TTC7A: variants seen among roughly 807,000 people sequenced by gnomAD.
The protein encoded by TTC7A is tetratricopeptide repeat protein 7A.
In TTC7A, 110 loss-of-function variants were observed where a neutral mutation model predicts 103.7. That is an observed-to-expected ratio of 1.06 (90% CI 0.91 to 1.24). The LOEUF is 1.24. Ranked by LOEUF, TTC7A falls within the 50% of genes most tolerant of loss-of-function variation. The pLI is 0.00. For synonymous variants in TTC7A, 521 were observed against 467.9 expected (o/e 1.11, Z -1.47); for missense variants, 1,340 against 1,116.3 (o/e 1.20, Z -2.86).
In TTC7A at chr2:47,074,700, A is replaced by C. The variant is rs1323260598; in HGVS notation, c.*777A>C. Reference sequence around the variant, plus strand: ...CCTTGAGGGCCACCAACATGGAGGTAGGCAGTTTCTAGGACTGTCCCCAGT... The same window carrying C: ...CCTTGAGGGCCACCAACATGGAGGTCGGCAGTTTCTAGGACTGTCCCCAGT... On this transcript the variant is annotated 3_prime_UTR_variant, in exon 20 of 20. Coordinates refer to ENST00000319190, the MANE Select transcript of TTC7A (RefSeq NM_020458.4). 1.3e-5 allele frequency: 2 copies of C among 152,464 alleles called. No homozygotes were observed. Among genetic ancestry groups the C allele is most frequent in the East Asian group, 3.9e-4 (2 of 5,178 alleles). The allele number at this position is 152,464 out of a possible 1,614,324, so 9.4% of individuals were successfully genotyped here. A position where few individuals can be genotyped will look rare whatever the true frequency, so the allele number is the denominator to read the frequency against.
At chr2:47,060,597 G>A (rs1004540984) in intron 18 of TTC7A, among the ~76,000 whole-genome samples, 172 bp from the exon 19 acceptor site, 2 of 152,158 alleles carry the variant, frequency 1.3e-5, no homozygotes, top group South Asian at 2.1e-4. Context: ...CTCAGAAACC[G>A]TTACCTAGTG....
intron 3 of TTC7A, among the ~76,000 whole-genome samples, chr2:46,972,598 T>C (rs1312235034): frequency 6.6e-6 from 1 of 152,190 alleles, no homozygotes; most frequent in Non-Finnish European, 1.5e-5. Context: ...ACTTAGCTGA[T>C]TGCCATGGCT....
In TTC7A at chr2:47,046,319, A is replaced by T; in HGVS notation, c.1807A>T (p.Met603Leu). 1.2e-6 allele frequency: 2 copies of T among 1,613,772 alleles called. No homozygotes were observed. The highest frequency in any genetic ancestry group is 1.7e-5 in the Admixed American group (1 of 60,018). Residue 603 changes from methionine to leucine, a missense_variant, in exon 16 of 20, where the codon ATG (methionine) becomes TTG (leucine). Transcript: ENST00000319190. ...ITEHPENFNL[M>L]FTKVKLEQVL... is the part of the protein sequence containing the mutation. ...GGCCACTCTCCGTCCCCACAGCCTG[A>T]TGTTCACCAAGGTGAAGCTGGAGCA... is the stretch of plus-strand genomic sequence containing the variant.
intron 8 of TTC7A, among the ~76,000 whole-genome samples, chr2:46,998,789 G>A (rs965102566): frequency 1.3e-5 from 2 of 152,210 alleles, no homozygotes. Flanking sequence ...GAGTGGCTGT[G>A]TGGTGTGGGG....
chr2:47,021,816 G>A, intron 11 of TTC7A, 46 bp from the exon 12 acceptor site: 2 of 1,523,508 alleles, frequency 1.3e-6, no homozygotes, highest in South Asian at 2.2e-5. Context: ...ACTGGTAGAG[G>A]AAACTCCAAC....
intron 2 of TTC7A, among the ~76,000 whole-genome samples, chr2:46,923,847 C>T (rs1222660651): frequency 3.9e-5 from 6 of 152,114 alleles, no homozygotes; most frequent in African/African-American, 1.4e-4. Context: ...AATCTCTTGC[C>T]TCAGCCTCCA....
At chr2:47,042,894 G>A (rs1388514748) in intron 15 of TTC7A, among the ~76,000 whole-genome samples, 1 of 152,174 alleles carries the variant, frequency 6.6e-6, no homozygotes, top group Non-Finnish European at 1.5e-5. Context: ...GGTAAGCAAG[G>A]GGAAGGGGAG....
intron 15 of TTC7A, among the ~76,000 whole-genome samples, chr2:47,044,383 T>G (rs190927937): frequency 1.3e-5 from 2 of 152,204 alleles, no homozygotes; most frequent in African/African-American, 2.4e-5. Flanking sequence ...CTGATACTTA[T>G]GGAGTGTTGG....
At chr2:46,931,284 C>G (rs1435951882) in intron 2 of TTC7A, among the ~76,000 whole-genome samples, 1 of 152,230 alleles carries the variant, frequency 6.6e-6, no homozygotes, top group Non-Finnish European at 1.5e-5. Context: ...CAGGGTCTGG[C>G]TCTATTGCCC....
chr2:46,948,348 G>A (rs952375289), intron 1 of TTC7A, among the ~76,000 whole-genome samples: 2 of 152,206 alleles, frequency 1.3e-5, no homozygotes, highest in South Asian at 4.1e-4. Flanking sequence ...CTATGGGGAT[G>A]TTCAAAAATA....
rs1195420697 is a variant in TTC7A, at chr2:47,056,002, T to G, written c.2152+4122T>G. Among the ~76,000 whole-genome samples the G allele has an allele frequency of 4.0e-5, 6 of 151,856 alleles. No homozygotes were observed. In the East Asian group the frequency reaches 1.2e-3, roughly 29 times the overall value. On this transcript the variant is annotated intron_variant, in intron 18 of 19. Transcript: ENST00000319190. ...GTCCTCCTCTTCCCTGGCTCCAGCT[T>G]TTTCTTCCCTCCTCCCAGCTTCCCG...
intron 15 of TTC7A, among the ~76,000 whole-genome samples, chr2:47,036,868 C>T (rs1211979053): frequency 6.6e-6 from 1 of 152,206 alleles, no homozygotes; most frequent in East Asian, 1.9e-4. Flanking sequence ...AAGTCCTGAG[C>T]ATGTGTTGGA....
intron 11 of TTC7A, among the ~76,000 whole-genome samples, chr2:47,014,711 C>A (rs1210421850): frequency 6.6e-6 from 1 of 152,238 alleles, no homozygotes; most frequent in Non-Finnish European, 1.5e-5. Flanking sequence ...TCACGTCAGC[C>A]CCCAGCAGGC....
intron 6 of TTC7A, 143 bp from the exon 7 acceptor site, chr2:46,994,214 G>A (rs1302640824): frequency 2.1e-6 from 2 of 948,258 alleles, no homozygotes; most frequent in Non-Finnish European, 3.1e-6. Context: ...GGGGCTCCTT[G>A]GGAGTGGGGT....
At chr2:47,050,170 T>C (rs1573031096) in intron 17 of TTC7A, 124 bp downstream of exon 17, 1 of 811,964 alleles carries the variant, frequency 1.2e-6, no homozygotes, top group Admixed American at 2.1e-5. Context: ...CACTGGCTCC[T>C]TGCCAGCTCG....
At chr2:47,054,909 C>T (rs554258724) in intron 18 of TTC7A, among the ~76,000 whole-genome samples, 5 of 151,910 alleles carry the variant, frequency 3.3e-5, no homozygotes, top group East Asian at 3.9e-4. Flanking sequence ...GGTGCACAAC[C>T]GCCACGGCCA....
chr2:47,032,586 C>T (rs879811695), intron 15 of TTC7A, among the ~76,000 whole-genome samples: 1 of 151,990 alleles, frequency 6.6e-6, no homozygotes, highest in Admixed American at 6.5e-5. Context: ...TGTCACTCAC[C>T]GTAGAGTGTG....
chr2:47,018,725 AT>A (rs561518727), intron 11 of TTC7A, among the ~76,000 whole-genome samples: 5 of 151,294 alleles, frequency 3.3e-5, no homozygotes, highest in Non-Finnish European at 7.4e-5. Context: ...AATAATAGTT[AT>A]TTTTTTTTAA....
chr2:46,951,271 T>G (rs546297781), intron 2 of TTC7A, among the ~76,000 whole-genome samples: 1 of 151,670 alleles, frequency 6.6e-6, no homozygotes, highest in African/African-American at 2.4e-5. Context: ...CCACCAGCAG[T>G]GTAGGCATCA....
Sources: gnomAD v4.1 joint callset for allele counts (sites outside exome capture counted in the v4.1 genomes callset) on GRCh38, gnomAD v4.1.1 for gene constraint, MANE v1.5 for transcripts, NCBI Gene and HGNC (gene_info 2026-07-23, HGNC 2026-07-21) for gene names.